TAFA2: variants seen among roughly 807,000 people sequenced by gnomAD.
TAFA2 encodes the protein TAFA chemokine like family member 2.
In TAFA2, 7 loss-of-function variants were observed where a neutral mutation model predicts 18.8. The ratio of observed to expected loss-of-function variants is 0.37; its 90% CI spans 0.21 to 0.70. The LOEUF (loss-of-function observed/expected upper bound fraction) is 0.70, where lower values mean the gene tolerates loss of function less well. Among genes scored for constraint, TAFA2 ranks in the 30% least tolerant of loss-of-function variants. The probability of loss-of-function intolerance (pLI) is 0.53; values close to 1 mark genes in which losing one functional copy is unlikely to be tolerated. For missense variants in TAFA2, 122 were observed against 158.1 expected (o/e 0.77, Z 1.23); for synonymous variants, 60 against 54.2 (o/e 1.11, Z -0.47).
chr12:62,058,772 G>C (rs1298168900), intron 1 of TAFA2, among the ~76,000 whole-genome samples: 2 of 152,164 alleles, frequency 1.3e-5, no homozygotes, highest in Non-Finnish European at 2.9e-5. Context: ...ACCAGCCTAA[G>C]CAACACAGTG....
At chr12:61,863,366 T>A (rs1262440543) in intron 2 of TAFA2, among the ~76,000 whole-genome samples, 1 of 152,204 alleles carries the variant, frequency 6.6e-6, no homozygotes, top group African/African-American at 2.4e-5. Flanking sequence ...GGCATTCCTG[T>A]GCCCAGTTAT....
intron 1 of TAFA2, among the ~76,000 whole-genome samples, chr12:62,083,106 C>A (rs145477059): frequency 2.2e-4 from 33 of 152,120 alleles, no homozygotes; most frequent in Non-Finnish European, 4.6e-4. Context: ...CTCTGTTACC[C>A]AGTAAATATT....
chr12:62,064,335 T>C (rs9739750), intron 1 of TAFA2, among the ~76,000 whole-genome samples: 22,896 of 152,060 alleles, frequency 0.15, 1,865 homozygotes, highest in East Asian at 0.29. Flanking sequence ...ACAAAAAAGT[T>C]TGAGCCTATT....
intron 2 of TAFA2, among the ~76,000 whole-genome samples, chr12:61,762,199 CAGACCTTTCTATGCAAGAA>C (rs369985666): frequency 6.6e-6 from 1 of 152,182 alleles, no homozygotes; most frequent in African/African-American, 2.4e-5. Context: ...AGTGTGAGAA[CAGACCTTTCTATGCAAGAA>C]AGACCTTTCT....
intron 1 of TAFA2, among the ~76,000 whole-genome samples, chr12:61,998,270 GA>G (rs1880266421): frequency 6.6e-6 from 1 of 152,152 alleles, no homozygotes; most frequent in Non-Finnish European, 1.5e-5. Flanking sequence ...CATCTTCACA[GA>G]TTTCTTAAAT....
At chr12:62,139,193 C>T (rs1020178690) in intron 1 of TAFA2, among the ~76,000 whole-genome samples, 1 of 152,096 alleles carries the variant, frequency 6.6e-6, no homozygotes, top group African/African-American at 2.4e-5. Flanking sequence ...GACAAATAAG[C>T]AAATGTGTTT....
intron 1 of TAFA2, among the ~76,000 whole-genome samples, chr12:62,014,870 C>A (rs937395628): frequency 7.2e-5 from 11 of 152,118 alleles, no homozygotes; most frequent in African/African-American, 2.7e-4. Context: ...CAATGCTATG[C>A]CCAGTACCTT....
intron 1 of TAFA2, among the ~76,000 whole-genome samples, chr12:61,990,401 G>A (rs1199920217): frequency 1.5e-5 from 2 of 137,664 alleles, no homozygotes; most frequent in African/African-American, 2.8e-5. Flanking sequence ...GTGCAGTGGC[G>A]CTATCTCGGC....
At chr12:61,928,427 A>T (rs929003856) in intron 1 of TAFA2, among the ~76,000 whole-genome samples, 3 of 133,156 alleles carry the variant, frequency 2.3e-5, no homozygotes, top group African/African-American at 8.4e-5. Flanking sequence ...GCTCATCATC[A>T]GTGGTCATTA....
intron 1 of TAFA2, among the ~76,000 whole-genome samples, chr12:61,907,081 T>C (rs372680876): frequency 4.6e-5 from 7 of 152,298 alleles, no homozygotes; most frequent in African/African-American, 1.7e-4. Context: ...AGCCTGATGA[T>C]GTGATAGAAA....
chr12:61,947,678 C>A (rs190476982), intron 1 of TAFA2, among the ~76,000 whole-genome samples: 35 of 152,192 alleles, frequency 2.3e-4, no homozygotes, highest in Admixed American at 1.8e-3. Context: ...ACAATACATG[C>A]TCTAAGAAGG....
At chr12:62,231,518 T>C (rs184213581) in intron 1 of TAFA2, among the ~76,000 whole-genome samples, 1 of 152,234 alleles carries the variant, frequency 6.6e-6, no homozygotes, top group African/African-American at 2.4e-5. Context: ...TTGATTTCTA[T>C]CCATTCAGCC....
intron 1 of TAFA2, among the ~76,000 whole-genome samples, chr12:61,987,073 G>T (rs990091867): frequency 6.6e-6 from 1 of 152,074 alleles, no homozygotes; most frequent in Non-Finnish European, 1.5e-5. Flanking sequence ...ATATAAAAAG[G>T]TCACTAAAAT....
At chr12:61,806,256 G>A (rs756748048) in intron 2 of TAFA2, among the ~76,000 whole-genome samples, 1 of 152,120 alleles carries the variant, frequency 6.6e-6, no homozygotes, top group Non-Finnish European at 1.5e-5. Flanking sequence ...TGAATCATGG[G>A]GTCAGGTCTT....
At chr12:61,900,698 A>G (rs939562932) in intron 1 of TAFA2, among the ~76,000 whole-genome samples, 1 of 152,156 alleles carries the variant, frequency 6.6e-6, no homozygotes, top group Non-Finnish European at 1.5e-5. Context: ...GATCCCTCCC[A>G]TGACATGTGG....
rs546801380 is a variant in TAFA2 at position 61,859,960 on chromosome 12, A to G, written c.106+7360T>C. 4.6e-5 allele frequency among the ~76,000 whole-genome samples: 7 copies of G among 152,372 alleles called. No individual in the cohort carries two copies. In the South Asian group the frequency reaches 8.3e-4, roughly 18 times the overall value. On this transcript the variant is annotated intron_variant, in intron 2 of 4. Coordinates refer to ENST00000416284, the MANE Select transcript of TAFA2 (RefSeq NM_178539.5). ...CATGAAACATTTTAACATAAAAAAG[A>G]GAAAAGAATCAGGTTATGAAAGCAT...
chr12:62,037,247 C>T (rs1274925647), intron 1 of TAFA2, among the ~76,000 whole-genome samples: 2 of 152,176 alleles, frequency 1.3e-5, no homozygotes, highest in African/African-American at 4.8e-5. Flanking sequence ...CATCTGTGCT[C>T]GAAAACTATT....
chr12:62,189,878 C>T (rs2062610185), intron 1 of TAFA2, among the ~76,000 whole-genome samples: 1 of 151,674 alleles, frequency 6.6e-6, no homozygotes, highest in Admixed American at 6.6e-5. Flanking sequence ...GTGTGAAGGA[C>T]CCTGCTACAC....
At chr12:61,943,950 G>A (rs1436416219) in intron 1 of TAFA2, among the ~76,000 whole-genome samples, 55 of 143,512 alleles carry the variant, frequency 3.8e-4, no homozygotes, top group South Asian at 2.2e-3. Flanking sequence ...TGCACCAAGC[G>A]GACCTAATAG....
Sources: gnomAD v4.1 joint callset for allele counts (sites outside exome capture counted in the v4.1 genomes callset) on GRCh38, gnomAD v4.1.1 for gene constraint, MANE v1.5 for transcripts, NCBI Gene and HGNC (gene_info 2026-07-23, HGNC 2026-07-21) for gene names.